The following AGBL1 variants were observed in gnomAD, a reference collection of about 807,000 sequenced individuals.
AGBL1 encodes the protein AGBL carboxypeptidase 1.
In AGBL1, 130 loss-of-function variants were observed where a neutral mutation model predicts 118.9. That is an observed-to-expected ratio of 1.09 (90% CI 0.95 to 1.26). The LOEUF (loss-of-function observed/expected upper bound fraction) is 1.26, where lower values mean the gene tolerates loss of function less well. Among genes scored for constraint, AGBL1 ranks in the 50% most tolerant of loss-of-function variants. AGBL1 has a pLI of 0.00. For synonymous variants in AGBL1, 555 were observed against 478.9 expected, an observed-to-expected ratio of 1.16 and a Z score of -2.08; for missense variants, 1,584 against 1,298.1, an observed-to-expected ratio of 1.22 and a Z score of -3.38.
chr15:87,026,899 C>T (rs541157377), intron 24 of AGBL1, among the ~76,000 whole-genome samples: 7 of 152,118 alleles, frequency 4.6e-5, no homozygotes, highest in African/African-American at 1.7e-4. Flanking sequence ...GAAAACCAAA[C>T]ATTGTATGTT....
chr15:86,324,590 A>G (rs889961574), intron 17 of AGBL1, among the ~76,000 whole-genome samples: 29 of 152,192 alleles, frequency 1.9e-4, no homozygotes, highest in Non-Finnish European at 3.8e-4. Context: ...ATATTTATAG[A>G]GAGAGTTTCT....
rs1596485175 is a variant in AGBL1, at chr15:86,792,432, A to G, written c.3159-114655A>G. On this transcript the variant is annotated intron_variant, in intron 22 of 22. Transcript: ENST00000614907. ...ATACTAGACAGCAAAGATGTCAAGC[A>G]AGGAATGAACATGGTCTGTTTAGCA... is the stretch of plus-strand genomic sequence containing the variant. Among the ~76,000 whole-genome samples the G allele has an allele frequency of 3.9e-5, 6 of 152,328 alleles. 1 individual carries two copies. The highest frequency in any genetic ancestry group is 3.9e-4 in the Admixed American group (6 of 15,310).
chr15:86,790,513 T>C (rs2078477207), intron 22 of AGBL1, among the ~76,000 whole-genome samples: 1 of 152,234 alleles, frequency 6.6e-6, no homozygotes, highest in African/African-American at 2.4e-5. Context: ...TGCAAGCTAG[T>C]GCCCTGTGGC....
chr15:86,483,303 G>A (rs1295221628), intron 18 of AGBL1, among the ~76,000 whole-genome samples: 1 of 152,092 alleles, frequency 6.6e-6, no homozygotes, highest in Non-Finnish European at 1.5e-5. Context: ...AGCAAGGAAT[G>A]CTAGTTGGTA....
At chr15:86,220,963 G>A (rs534688429) in intron 5 of AGBL1, among the ~76,000 whole-genome samples, 3 of 152,240 alleles carry the variant, frequency 2.0e-5, no homozygotes, top group African/African-American at 7.2e-5. Context: ...ACTTTGGGAG[G>A]CTGAGACAGG....
At chr15:86,377,969 A>G (rs187859754) in intron 17 of AGBL1, among the ~76,000 whole-genome samples, 50 of 152,290 alleles carry the variant, frequency 3.3e-4, no homozygotes, top group African/African-American at 1.2e-3. Context: ...ACAAATAACA[A>G]TGGTAGGAAA....
intron 21 of AGBL1, among the ~76,000 whole-genome samples, chr15:86,578,887 C>G (rs948667433): frequency 2.0e-5 from 3 of 152,154 alleles, no homozygotes; most frequent in Admixed American, 2.0e-4. Context: ...TCGGGTATGT[C>G]TTTATCAGCA....
rs139605656 is a variant in AGBL1 at position 86,193,884 on chromosome 15, T to C, written c.489-31030T>C. Among the ~76,000 whole-genome samples, 508 of 152,308 alleles carry C rather than the reference T, an allele frequency of 3.3e-3. 3 individuals are homozygous for C. Among genetic ancestry groups the C allele is most frequent in the Admixed American group, 6.0e-3 (92 of 15,296 alleles). ...ATTAAACAATCACACTGATTGGAAA[T>C]GACAGAGCCTCTCTGGCAAGCCCAT... On this transcript the variant is annotated intron_variant, in intron 5 of 22. Transcript: ENST00000614907.
chr15:86,717,530 C>G (rs768928644), intron 22 of AGBL1, among the ~76,000 whole-genome samples: 3 of 152,086 alleles, frequency 2.0e-5, no homozygotes, highest in South Asian at 4.1e-4. Flanking sequence ...TATAGCCCCT[C>G]CTTTTGAAGT....
At position 86,313,224 on chromosome 15, in the gene AGBL1, T is replaced by C. The variant is rs188320869; in HGVS notation, c.2374+17816T>C. ...ACTTATTTCTTTGAGGTCGATTTTC[T>C]TGGTCTTTAAAATGGAGGGTTGTAA... On this transcript the variant is annotated intron_variant, in intron 17 of 22. Coordinates refer to ENST00000614907, the MANE Select transcript of AGBL1 (RefSeq NM_001386094.1). Among the ~76,000 whole-genome samples, 6 of 152,330 alleles carry C rather than the reference T, an allele frequency of 3.9e-5. No individual in the cohort carries two copies. The East Asian group carries it at 1.2e-3, about 29-fold the overall frequency.
At chr15:86,211,127 G>T (rs1048245468) in intron 5 of AGBL1, among the ~76,000 whole-genome samples, 2 of 152,196 alleles carry the variant, frequency 1.3e-5, no homozygotes, top group East Asian at 3.9e-4. Flanking sequence ...GACCCTGTTT[G>T]TCTGGGTATC....
rs1311003050 is a variant in AGBL1, at chr15:86,264,618, T to C, written c.1447T>C (p.Ser483Pro). Reference protein sequence around the residue: ...IFCPRMSASFSNSTRTREVVK... With the variant: ...IFCPRMSASFPNSTRTREVVK... The stretch of plus-strand genomic sequence containing the variant: ...CTGCCCAAGGATGAGTGCCTCCTTT[T>C]CTAATTCCACTAGGACTAGAGAAGT... Residue 483 changes from serine (S) to proline (P), a missense_variant, in exon 11 of 23, where the codon TCT becomes CCT. Transcript: ENST00000614907. 6.2e-7 allele frequency: 1 copy of C among 1,613,704 alleles called. No homozygotes were observed. Among genetic ancestry groups the C allele is most frequent in the Non-Finnish European group, 8.5e-7 (1 of 1,179,814 alleles).
chr15:86,936,507 G>A (rs1225275608), intron 23 of AGBL1, among the ~76,000 whole-genome samples: 1 of 152,044 alleles, frequency 6.6e-6, no homozygotes, highest in East Asian at 1.9e-4. Context: ...AATGTTATCA[G>A]GACTATTAAA....
chr15:86,923,735 T>C (rs936587121), intron 23 of AGBL1, among the ~76,000 whole-genome samples: 4 of 152,206 alleles, frequency 2.6e-5, no homozygotes, highest in African/African-American at 9.6e-5. Context: ...TTCAGTTTGT[T>C]TATGGATATT....
At chr15:86,838,353 T>G (rs528607669) in intron 22 of AGBL1, among the ~76,000 whole-genome samples, 24 of 152,326 alleles carry the variant, frequency 1.6e-4, no homozygotes, top group African/African-American at 5.3e-4. Context: ...TAATATACCC[T>G]TATTCTTTTT....
In AGBL1 at chr15:86,623,958, T is replaced by C. The variant is rs552651135; in HGVS notation, c.2995-50315T>C. Among the ~76,000 whole-genome samples, 67 of 152,256 alleles carry C rather than the reference T, an allele frequency of 4.4e-4. No individual in the cohort carries two copies. In the South Asian group the frequency reaches 6.6e-3, roughly 15 times the overall value. On this transcript the variant is annotated intron_variant, in intron 21 of 22. Transcript: ENST00000614907. ...GACACTGCTGTGCTAAATACTTTCA[T>C]TAAAAACTATTTTCTCAAAGAATAA...
chr15:86,134,882 G>T (rs2076868330), intron 1 of AGBL1, among the ~76,000 whole-genome samples: 1 of 151,650 alleles, frequency 6.6e-6, no homozygotes, highest in Admixed American at 6.6e-5. Flanking sequence ...CAAAGTGCTG[G>T]GATTACAGGT....
intron 17 of AGBL1, among the ~76,000 whole-genome samples, chr15:86,392,442 G>A (rs1286736790): frequency 6.6e-6 from 1 of 152,172 alleles, no homozygotes; most frequent in Non-Finnish European, 1.5e-5. Context: ...GCATTGGATT[G>A]TAATTATCTG....
At chr15:86,744,808 G>C (rs2077730767) in intron 22 of AGBL1, among the ~76,000 whole-genome samples, 1 of 152,138 alleles carries the variant, frequency 6.6e-6, no homozygotes, top group African/African-American at 2.4e-5. Context: ...GAGATGGGTT[G>C]TTTGTCTTTG....
Sources: gnomAD v4.1 joint callset for allele counts (sites outside exome capture counted in the v4.1 genomes callset) on GRCh38, gnomAD v4.1.1 for gene constraint, MANE v1.5 for transcripts, NCBI Gene and HGNC (gene_info 2026-07-23, HGNC 2026-07-21) for gene names.